The following NID1 variants were observed in gnomAD, a reference collection of about 807,000 sequenced individuals.
NID1 encodes the protein nidogen-1.
A neutral mutation model predicts 130.6 loss-of-function variants in NID1; 76 were observed. The ratio of observed to expected loss-of-function variants is 0.58; its 90% CI spans 0.48 to 0.70. NID1 has a LOEUF of 0.70. NID1 is among the 30% of genes least tolerant of loss of function. The probability of loss-of-function intolerance (pLI) is 0.00; values close to 1 mark genes in which losing one functional copy is unlikely to be tolerated. For synonymous variants in NID1, 665 were observed against 675.1 expected, an observed-to-expected ratio of 0.98 and a Z score of 0.23; for missense variants, 1,517 against 1,664.8, an observed-to-expected ratio of 0.91 and a Z score of 1.54.
intron 12 of NID1, among the ~76,000 whole-genome samples, chr1:236,002,996 T>C (rs1386403226): frequency 6.6e-6 from 1 of 152,130 alleles, no homozygotes; most frequent in Non-Finnish European, 1.5e-5. Flanking sequence ...CCTCCCTCTC[T>C]CACTCTCCCC....
intron 5 of NID1, among the ~76,000 whole-genome samples, chr1:236,035,677 G>A (rs1228864221): frequency 6.6e-6 from 1 of 152,144 alleles, no homozygotes; most frequent in Non-Finnish European, 1.5e-5. Flanking sequence ...GCCCTAGGCA[G>A]GGGCTGCCAT....
At position 235,993,806 on chromosome 1, in the gene NID1, G is replaced by T. The variant is rs1353056578; in HGVS notation, c.2594C>A (p.Pro865Gln). 6.2e-7 allele frequency: 1 copy of T among 1,614,172 alleles called. No individual in the cohort carries two copies. Among genetic ancestry groups the T allele is most frequent in the South Asian group, 1.1e-5 (1 of 91,090 alleles). The stretch of plus-strand genomic sequence containing the variant: ...CAGCCCCGGAGGAATGGGTCGCTGT[G>T]GGTCTGTCGCCCCCGCTGCCCCGAG... ...HILGAAGATD[P>Q]QRPIPPGLFV... The change falls in exon 13 of 20, where the codon CCA becomes CAA. Residue 865 changes from proline (P) to glutamine (Q), a missense_variant. Coordinates refer to ENST00000264187, the MANE Select transcript of NID1 (RefSeq NM_002508.3).
Position 236,032,651 on chromosome 1 carries a change from A to C in NID1, c.1287T>G (p.Gly429=), listed in dbSNP as rs767640827. The C allele has an allele frequency of 6.2e-7, 1 of 1,613,948 alleles. No homozygotes were observed. The highest frequency in any genetic ancestry group is 1.7e-5 in the Admixed American group (1 of 59,954). Residue 429 remains glycine (G), a splice_region_variant and synonymous_variant, in exon 6 of 20, where the codon GGT becomes GGG. Coordinates refer to ENST00000264187, the MANE Select transcript of NID1 (RefSeq NM_002508.3). ...TGNGRQCVAE[G]SPQRVNGKVK... ...CCTTGCCATTGACTCGCTGGGGGGA[A>C]CCTGAGCAAGAAAACAAAGAAAGAA...
intron 4 of NID1, among the ~76,000 whole-genome samples, chr1:236,039,987 G>T (rs1218039847): frequency 5.3e-5 from 8 of 152,162 alleles, no homozygotes; most frequent in Non-Finnish European, 1.5e-5. Flanking sequence ...GGGGTAGAGG[G>T]ACAGGAAAAC....
At chr1:235,983,715 G>A (rs1657499983) in intron 15 of NID1, among the ~76,000 whole-genome samples, 2 of 152,294 alleles carry the variant, frequency 1.3e-5, no homozygotes, top group Admixed American at 6.5e-5. Context: ...TTCTTTATGA[G>A]CTACTCTTCC....
intron 14 of NID1, among the ~76,000 whole-genome samples, chr1:235,987,595 C>G (rs770544511): frequency 6.6e-6 from 1 of 152,112 alleles, no homozygotes; most frequent in African/African-American, 2.4e-5. Flanking sequence ...AAGAAGCTGC[C>G]GGGCTGTATG....
At position 235,978,995 on chromosome 1, in the gene NID1, C is replaced by A; in HGVS notation, c.3622G>T (p.Gly1208Cys). ...AACAGTAACAGCACAGGAGAGTTACCTTGCGGACACTGAGACAGGGCCGTG... is the reference window on the plus strand; with the variant it reads ...AACAGTAACAGCACAGGAGAGTTACATTGCGGACACTGAGACAGGGCCGTG... ...ITTALSQCPQ[G>C]HNYCSVNNGG... Residue 1208 changes from glycine to cysteine, a missense_variant and splice_region_variant, in exon 19 of 20, where the codon GGC (glycine) becomes TGC (cysteine). Physicochemically the swap from Gly to Cys is radical, Grantham distance 159. Around this residue, in one of 3 missense-constraint regions of NID1, gnomAD observed 181 missense variants for 211.3 expected, o/e 0.86. Transcript: ENST00000264187. The A allele has an allele frequency of 6.2e-7, 1 of 1,608,976 alleles. No individual in the cohort carries two copies. The highest frequency in any genetic ancestry group is 8.5e-7 in the Non-Finnish European group (1 of 1,175,364).
Position 235,991,036 on chromosome 1 carries a change from C to G in NID1, c.2778G>C (p.Pro926=), listed in dbSNP as rs375973144. The change falls in exon 14 of 20, where the codon CCG becomes CCC. Residue 926 remains proline, a synonymous_variant. Transcript: ENST00000264187. ...TPPCLSTVAP[P]IHQGPAVPTA... ...TAGGCACCGCAGGTCCTTGGTGAAT[C>G]GGGGGAGCCACTGTACTCAGACCTG... The G allele has an allele frequency of 2.2e-5, 36 of 1,603,138 alleles. No homozygotes were observed. The highest frequency in any genetic ancestry group is 2.9e-5 in the Non-Finnish European group (34 of 1,175,000).
At chr1:236,058,073 T>A (rs1228668968) in intron 1 of NID1, among the ~76,000 whole-genome samples, 2 of 152,234 alleles carry the variant, frequency 1.3e-5, no homozygotes, top group Non-Finnish European at 2.9e-5. Flanking sequence ...AGAGTGCTGC[T>A]GATGATAATA....
In NID1 at chr1:235,981,747, G is replaced by C; in HGVS notation, c.3091C>G (p.Leu1031Val). The C allele has an allele frequency of 6.2e-7, 1 of 1,613,844 alleles. No individual in the cohort carries two copies. Among genetic ancestry groups the C allele is most frequent in the Non-Finnish European group, 8.5e-7 (1 of 1,179,876 alleles). The change falls in exon 16 of 20, where the codon CTT becomes GTT. Residue 1031 changes from leucine (L) to valine (V), a missense_variant. Leu to Val is a conservative substitution (Grantham distance 32). Around this residue, in one of 3 missense-constraint regions of NID1, gnomAD observed 1,329 missense variants for 1,429.2 expected, o/e 0.93. Coordinates refer to ENST00000264187, the MANE Select transcript of NID1 (RefSeq NM_002508.3). ...GSPEGIAVDH[L>V]GRNIFWTDSN... ...TCTGTCCAGAAGATGTTGCGGCCAA[G>C]GTGATCAACAGCGATACCTTCTGGA...
chr1:236,029,459 G>A (rs1659032310), intron 7 of NID1, 91 bp downstream of exon 7: 2 of 1,257,538 alleles, frequency 1.6e-6, no homozygotes, highest in Non-Finnish European at 2.2e-6. Flanking sequence ...AGATCCCAGA[G>A]ACAGCCCCAG....
chr1:236,038,904 AAC>A (rs1659351579), intron 4 of NID1, among the ~76,000 whole-genome samples: 1 of 129,690 alleles, frequency 7.7e-6, no homozygotes, highest in African/African-American at 3.0e-5. Context: ...GGTCATATAT[AAC>A]ATAAATATAT....
At chr1:236,009,525 T>C (rs777547268) in intron 12 of NID1, among the ~76,000 whole-genome samples, 22 of 152,356 alleles carry the variant, frequency 1.4e-4, no homozygotes, top group South Asian at 4.1e-4. Flanking sequence ...TCATTTCTCA[T>C]TCACTATGCA....
At chr1:236,063,897 G>T (rs1660114479) in intron 1 of NID1, among the ~76,000 whole-genome samples, 1 of 152,256 alleles carries the variant, frequency 6.6e-6, no homozygotes, top group Non-Finnish European at 1.5e-5. Flanking sequence ...TGTGGATCCA[G>T]ACTTGAAGGG....
chr1:236,045,311 G>A (rs12074576), intron 3 of NID1, 146 bp downstream of exon 3: 2 of 561,156 alleles, frequency 3.6e-6, no homozygotes, highest in Non-Finnish European at 6.3e-6. Context: ...AAGTTCATCA[G>A]AAAAAGAGTA....
intron 8 of NID1, among the ~76,000 whole-genome samples, chr1:236,025,263 C>CTTTTTTT (rs750410998): frequency 1.6e-5 from 2 of 123,752 alleles, no homozygotes; most frequent in Non-Finnish European, 3.3e-5. Context: ...TACAATTTCT[C>CTTTTTTT]TTTTTTTTTT....
chr1:236,037,167 C>T (rs1212507304), intron 5 of NID1, among the ~76,000 whole-genome samples: 2 of 152,200 alleles, frequency 1.3e-5, no homozygotes, highest in African/African-American at 4.8e-5. Context: ...GGACATTGGC[C>T]CATAGCCGAA....
intron 5 of NID1, among the ~76,000 whole-genome samples, chr1:236,033,908 A>G (rs888820116): frequency 6.6e-5 from 10 of 152,366 alleles, no homozygotes; most frequent in African/African-American, 1.4e-4. Context: ...GTTGTATTCA[A>G]ATAAGAACAT....
intron 4 of NID1, among the ~76,000 whole-genome samples, chr1:236,041,125 T>A (rs977669450): frequency 2.1e-4 from 32 of 152,158 alleles, no homozygotes; most frequent in African/African-American, 7.7e-4. Context: ...TGGAGTGCAG[T>A]GGCATGATCT....
Sources: gnomAD v4.1 joint callset for allele counts (sites outside exome capture counted in the v4.1 genomes callset) on GRCh38, gnomAD v4.1.1 for gene constraint, gnomAD v4.1.1 regional missense constraint, MANE v1.5 for transcripts, NCBI Gene and HGNC (gene_info 2026-07-23, HGNC 2026-07-21) for gene names.